Variants in CD84 observed in about 807,000 individuals in gnomAD.
CD84 encodes CD84 molecule.
Under a neutral mutation model 33.8 loss-of-function variants are expected in CD84, and 22 were observed. The ratio of observed to expected loss-of-function variants is 0.65; its 90% CI spans 0.46 to 0.93. The LOEUF is 0.93. Among genes scored for constraint, CD84 ranks in the 40% least tolerant of loss-of-function variants. The pLI, the probability that CD84 is intolerant of heterozygous loss-of-function variation, is 0.00. For missense variants in CD84, 400 were observed against 397.6 expected, an observed-to-expected ratio of 1.01 and a Z score of -0.05; for synonymous variants, 154 against 145.2, an observed-to-expected ratio of 1.06 and a Z score of -0.44.
chr1:160,559,755 A>T (rs1656831322), intron 2 of CD84, among the ~76,000 whole-genome samples: 1 of 152,180 alleles, frequency 6.6e-6, no homozygotes, highest in Non-Finnish European at 1.5e-5. Flanking sequence ...GCAAAGACAC[A>T]CATAGGCTCA....
At chr1:160,567,223 A>G (rs1364785292) in intron 1 of CD84, among the ~76,000 whole-genome samples, 1 of 152,228 alleles carries the variant, frequency 6.6e-6, no homozygotes, top group African/African-American at 2.4e-5. Flanking sequence ...ATACGGAAGA[A>G]TAAGGATCAT....
At chr1:160,578,419 G>T (rs1658104488) in intron 1 of CD84, among the ~76,000 whole-genome samples, 1 of 152,116 alleles carries the variant, frequency 6.6e-6, no homozygotes, top group African/African-American at 2.4e-5. Context: ...TCTCCATGAA[G>T]TTCAAATTAA....
intron 4 of CD84, 35 bp downstream of exon 4, chr1:160,553,343 G>A (rs774527372): frequency 6.2e-7 from 1 of 1,614,104 alleles, no homozygotes; most frequent in South Asian, 1.1e-5. Flanking sequence ...GAGAGAAGGT[G>A]AGTTTCCACA....
intron 2 of CD84, among the ~76,000 whole-genome samples, chr1:160,557,942 C>G (rs1360295002): frequency 6.6e-6 from 1 of 152,176 alleles, no homozygotes; most frequent in Non-Finnish European, 1.5e-5. Flanking sequence ...GGGGCTTCAG[C>G]CACTCTAGCC....
Position 160,551,005 on chromosome 1 carries a change from T to G in CD84, c.791A>C (p.Tyr264Ser). The G allele has an allele frequency of 6.2e-7, 1 of 1,613,978 alleles. No individual in the cohort carries two copies. The highest frequency in any genetic ancestry group is 8.5e-7 in the Non-Finnish European group (1 of 1,179,828). The change falls in exon 5 of 7, where the codon TAT (tyrosine) becomes TCT (serine). Residue 264 changes from tyrosine to serine, a missense_variant. Tyr to Ser is a moderately radical substitution (Grantham distance 144). Transcript: ENST00000368054. The part of the protein sequence containing the change: ...DAASKKTIYT[Y>S]IMASRNTQPA... ...CTGGGTGTTCCTTGAAGCCATGATA[T>G]ATGTGTATATGGTTTTCTTTGAGGC...
chr1:160,542,836 A>G lies in CD84; in HGVS notation c.*5420T>C, dbSNP rs1280839766. The G allele has an allele frequency of 6.6e-6, 1 of 152,210 alleles. No individual in the cohort carries two copies. Among genetic ancestry groups the G allele is most frequent in the Non-Finnish European group, 1.5e-5 (1 of 68,040 alleles). The allele number at this position is 152,210 out of a possible 1,614,324, so 9.4% of individuals were successfully genotyped here. A position where few individuals can be genotyped will look rare whatever the true frequency, so the allele number is the denominator to read the frequency against. ...TAATGGTCCTTTGTCGAAATGTATT[A>G]ACACTTTCATATGTTTTGAAAAATT... On this transcript the variant is annotated 3_prime_UTR_variant, in exon 7 of 7. Transcript: ENST00000368054.
At chr1:160,548,432 A>G (rs1226581015) in intron 6 of CD84, 111 bp from the exon 7 acceptor site, 4 of 1,089,394 alleles carry the variant, frequency 3.7e-6, no homozygotes, top group Admixed American at 2.0e-5. Context: ...AATGCCTTAG[A>G]TTTGCCTCAT....
intron 1 of CD84, among the ~76,000 whole-genome samples, chr1:160,576,754 G>A (rs1212281865): frequency 1.3e-5 from 2 of 152,098 alleles, no homozygotes; most frequent in Non-Finnish European, 2.9e-5. Context: ...ATCTGTATAT[G>A]TGCACATAAA....
At chr1:160,552,421 T>TC (rs1557970696) in intron 4 of CD84, among the ~76,000 whole-genome samples, 1 of 152,220 alleles carries the variant, frequency 6.6e-6, no homozygotes, top group East Asian at 1.9e-4. Flanking sequence ...CTAACATTTA[T>TC]CAAGTACTTA....
chr1:160,559,622 C>T (rs979047050), intron 2 of CD84, among the ~76,000 whole-genome samples: 1 of 152,144 alleles, frequency 6.6e-6, no homozygotes, highest in Non-Finnish European at 1.5e-5. Context: ...ATCAAATTCA[C>T]ACATAACAAC....
intron 4 of CD84, chr1:160,553,048 T>C: frequency 1.8e-6 from 1 of 562,684 alleles, no homozygotes; most frequent in South Asian, 2.1e-5. Flanking sequence ...GGAGATCCTC[T>C]AGTCCAAACA....
intron 1 of CD84, among the ~76,000 whole-genome samples, chr1:160,574,064 G>GC: frequency 6.6e-6 from 1 of 151,804 alleles, no homozygotes; most frequent in South Asian, 2.1e-4. Flanking sequence ...CTGCCCTCCA[G>GC]CCTGGGTGAC....
At chr1:160,575,308 G>C (rs1026253151) in intron 1 of CD84, among the ~76,000 whole-genome samples, 1 of 152,112 alleles carries the variant, frequency 6.6e-6, no homozygotes, top group African/African-American at 2.4e-5. Flanking sequence ...GAGGGGAAGA[G>C]GAAGCACAGG....
Position 160,550,634 on chromosome 1 carries a change from G to A in CD84, c.858+304C>T. The A allele has an allele frequency of 3.0e-6, 3 of 985,352 alleles. No individual in the cohort carries two copies. The South Asian group carries it at 1.4e-4, about 46-fold the overall frequency. 61.0% of individuals were successfully genotyped at this position (985,352 alleles called of 1,614,324 possible). The stretch of plus-strand genomic sequence containing the variant: ...ACCTCACTCCAGTAGCTCCTCTGTT[G>A]TGTGGCCCCTCTAGGGGGCGCCTTG... On this transcript the variant is annotated intron_variant, in intron 5 of 6. Coordinates refer to ENST00000368054, the MANE Select transcript of CD84 (RefSeq NM_003874.4).
In CD84 at chr1:160,565,534, A is replaced by T; in HGVS notation, c.258T>A (p.His86Gln). The T allele has an allele frequency of 6.2e-7, 1 of 1,614,008 alleles. No individual in the cohort carries two copies. Among genetic ancestry groups the T allele is most frequent in the Non-Finnish European group, 8.5e-7 (1 of 1,179,916 alleles). The change falls in exon 2 of 7, where the codon CAT becomes CAA. Residue 86 changes from histidine (H) to glutamine (Q), a missense_variant. Physicochemically the swap from His to Gln is conservative, Grantham distance 24. Transcript: ENST00000368054. The stretch of plus-strand genomic sequence containing the variant: ...CCAGATTGTAGTTCGGACCTAAGGC[A>T]TGTATCCGTTCATAATAATTTCTGT... ...VTHRNYYERI[H>Q]ALGPNYNLVI... is the part of the protein sequence containing the mutation.
intron 2 of CD84, among the ~76,000 whole-genome samples, chr1:160,559,904 TG>T (rs1409763573): frequency 6.6e-6 from 1 of 151,944 alleles, no homozygotes; most frequent in African/African-American, 2.4e-5. Flanking sequence ...ATGATGGTAA[TG>T]GGTAACTACC....
rs1230074444 is a variant in CD84 at position 160,553,078 on chromosome 1, G to C, written c.760+300C>G. ...CAAACATTTCACATGTGAGGGCCCT[G>C]AGCTGGAAAGGTGAACACACTCGTA... On this transcript the variant is annotated intron_variant, in intron 4 of 6. Coordinates refer to ENST00000368054, the MANE Select transcript of CD84 (RefSeq NM_003874.4). The C allele has an allele frequency of 3.5e-5, 20 of 569,848 alleles. No individual in the cohort carries two copies. The East Asian group carries it at 6.0e-4, about 17-fold the overall frequency. The allele number at this position is 569,848 out of a possible 1,614,324, so 35.3% of individuals were successfully genotyped here.
intron 1 of CD84, among the ~76,000 whole-genome samples, chr1:160,569,639 A>T (rs1657570296): frequency 1.3e-5 from 2 of 152,138 alleles, no homozygotes; most frequent in Admixed American, 1.3e-4. Context: ...TTACGGTAGG[A>T]ATTCTAAGAA....
chr1:160,562,686 A>C (rs1230870007), intron 2 of CD84, among the ~76,000 whole-genome samples: 3 of 152,226 alleles, frequency 2.0e-5, no homozygotes, highest in East Asian at 3.8e-4. Context: ...TGAAAATGTC[A>C]AAAGCAATTG....
Sources: gnomAD v4.1 joint callset for allele counts (sites outside exome capture counted in the v4.1 genomes callset) on GRCh38, gnomAD v4.1.1 for gene constraint, MANE v1.5 for transcripts, NCBI Gene and HGNC (gene_info 2026-07-23, HGNC 2026-07-21) for gene names.